RIF1: variants seen among roughly 807,000 people sequenced by gnomAD.
The protein encoded by RIF1 is telomere-associated protein RIF1.
In RIF1, 45 loss-of-function variants were observed where a neutral mutation model predicts 247.1. The observed-to-expected ratio is 0.18, with a 90% CI of 0.14 to 0.23. The LOEUF (loss-of-function observed/expected upper bound fraction) is 0.23, where lower values mean the gene tolerates loss of function less well. Among genes scored for constraint, RIF1 ranks in the 10% least tolerant of loss-of-function variants. The pLI, the probability that RIF1 is intolerant of heterozygous loss-of-function variation, is 1.00. For missense variants in RIF1, 2,967 were observed against 2,862.5 expected, an observed-to-expected ratio of 1.04 and a Z score of -0.83; for synonymous variants, 1,087 against 978.8, an observed-to-expected ratio of 1.11 and a Z score of -2.06.
intron 12 of RIF1, chr2:151,503,486 A>T (rs2066320836): frequency 1.5e-6 from 2 of 1,333,918 alleles, no homozygotes; most frequent in Non-Finnish European, 2.2e-6. Context: ...AATGACCGTA[A>T]ATCCTTTAGA....
the RIF1 span, among the ~76,000 whole-genome samples, chr2:151,521,122 A>C: frequency 4.6e-5 from 7 of 152,104 alleles, no homozygotes; most frequent in African/African-American, 1.7e-4. Context: ...AAGACTCACT[A>C]ACACCAGTAC....
chr2:151,444,004 CAG>C (rs1035972958), intron 18 of RIF1, among the ~76,000 whole-genome samples: 6 of 152,166 alleles, frequency 3.9e-5, no homozygotes, highest in Non-Finnish European at 8.8e-5. Context: ...GTTTTATTAA[CAG>C]GGAATAACAG....
intron 24 of RIF1, among the ~76,000 whole-genome samples, chr2:151,458,275 C>T (rs1695552409): frequency 1.4e-5 from 2 of 148,042 alleles, no homozygotes; most frequent in South Asian, 4.3e-4. Context: ...CTCTGTCGCC[C>T]AGGCTGGAGT....
At chr2:151,455,566 T>C (rs574000028) in intron 22 of RIF1, among the ~76,000 whole-genome samples, 10 of 152,254 alleles carry the variant, frequency 6.6e-5, no homozygotes, top group African/African-American at 2.4e-4. Flanking sequence ...ATCGAAACTA[T>C]TTAGAAAAAT....
chr2:151,530,678 A>C, the RIF1 span: 1 of 230,822 alleles, frequency 4.3e-6, no homozygotes, highest in Non-Finnish European at 8.4e-6. Flanking sequence ...GGCCACATGA[A>C]GGGGTTCCTG....
At chr2:151,494,533 T>C (rs2058792886) in intron 9 of RIF1, among the ~76,000 whole-genome samples, 1 of 152,146 alleles carries the variant, frequency 6.6e-6, no homozygotes, top group African/African-American at 2.4e-5. Flanking sequence ...CGCTAGTCTC[T>C]CAATGTCAAG....
Position 151,463,113 on chromosome 2 carries a change from G to T in RIF1, c.3593G>T (p.Ser1198Ile), listed in dbSNP as rs1233518802. 1 of 1,613,946 alleles carries T rather than the reference G, an allele frequency of 6.2e-7. No homozygotes were observed. ...AGTACAGAAAATTCTTTCGTTGTCA[G>T]CAGTAGTTCAGTTTCTAATACCACT... Reference protein sequence around the residue: ...ASSTENSFVVSSSSVSNTTVA... With the variant: ...ASSTENSFVVISSSVSNTTVA... Residue 1198 changes from serine to isoleucine, a missense_variant, in exon 30 of 36, where the codon AGC (serine) becomes ATC (isoleucine). This residue lies in a region of RIF1 where 2,028 missense variants were observed against 1,825.6 expected (regional missense o/e 1.11). Coordinates refer to ENST00000444746, the MANE Select transcript of RIF1 (RefSeq NM_018151.5).
intron 9 of RIF1, chr2:151,492,413 T>G (rs761918216): frequency 1.9e-6 from 3 of 1,609,134 alleles, no homozygotes; most frequent in Non-Finnish European, 2.5e-6. Context: ...TGGGTCTCCC[T>G]CACCCGTCTC....
At position 151,493,521 on chromosome 2, in the gene RIF1, A is replaced by G. The variant is rs185489270; in HGVS notation, c.*416-1708A>G. The G allele has an allele frequency of 4.3e-4, 416 of 958,474 alleles. 3 individuals carry two copies. In the African/African-American group the frequency reaches 5.9e-3, roughly 14 times the overall value. 59.4% of individuals were successfully genotyped at this position (958,474 alleles called of 1,614,324 possible). On this transcript the variant is annotated intron_variant and NMD_transcript_variant, in intron 9 of 13. Transcript: ENST00000454583. ...TGAAAATCATCACTTAGCTGGTGTT[A>G]TGGCTCATGTTATGGCTCAGTTATA...
intron 10 of RIF1, among the ~76,000 whole-genome samples, chr2:151,499,115 A>G (rs114105852): frequency 4.3e-4 from 65 of 152,272 alleles, no homozygotes; most frequent in African/African-American, 1.6e-3. Context: ...ATTAAGTTAA[A>G]TGATTATATT....
intron 15 of RIF1, among the ~76,000 whole-genome samples, chr2:151,440,722 A>G (rs954574141): frequency 3.3e-5 from 5 of 152,226 alleles, no homozygotes; most frequent in African/African-American, 1.2e-4. Context: ...TCTGGAGCAT[A>G]CTAGGTTGAA....
chr2:151,485,056 TCTCC>T (rs367794943), downstream of RIF1, among the ~76,000 whole-genome samples: 587 of 152,282 alleles, frequency 3.9e-3, 6 homozygotes, highest in Non-Finnish European at 5.7e-3. Context: ...GGTTGCTTCT[TCTCC>T]CTTTGCCTTT....
At chr2:151,526,325 C>T in the RIF1 span, 2 of 1,106,398 alleles carry the variant, frequency 1.8e-6, no homozygotes, top group Admixed American at 2.0e-5. Context: ...ATTTTTATTA[C>T]ACCCTCAAAC....
chr2:151,508,002 T>A, exon 14 of RIF1: 1 of 1,599,096 alleles, frequency 6.3e-7, no homozygotes, highest in Non-Finnish European at 8.5e-7. Flanking sequence ...AATAAAAACT[T>A]ACAAGGCTGA....
chr2:151,531,895 A>C, the RIF1 span: 14 of 1,540,868 alleles, frequency 9.1e-6, no homozygotes, highest in Non-Finnish European at 1.1e-5. Flanking sequence ...CCTGTATTTG[A>C]TCTAAATTGT....
intron 34 of RIF1, among the ~76,000 whole-genome samples, chr2:151,473,394 C>T (rs961564298): frequency 6.7e-6 from 1 of 149,298 alleles, no homozygotes; most frequent in Admixed American, 6.8e-5. Context: ...CTCCTGGACT[C>T]AAGCAGTTCT....
At chr2:151,502,103 G>C (rs1427858580) in intron 11 of RIF1, among the ~76,000 whole-genome samples, 1 of 152,182 alleles carries the variant, frequency 6.6e-6, no homozygotes, top group Non-Finnish European at 1.5e-5. Context: ...AGTATTGTAA[G>C]TGAAGTAACT....
intron 20 of RIF1, among the ~76,000 whole-genome samples, chr2:151,447,229 C>T: frequency 6.6e-6 from 1 of 152,244 alleles, no homozygotes; most frequent in East Asian, 1.9e-4. Context: ...AGGCGTGAGC[C>T]ACCGCGCCCG....
In RIF1 at chr2:151,464,761, T is replaced by G. The variant is rs766227099; in HGVS notation, c.5241T>G (p.Ile1747Met). ...CACAACCTCAGGAAAAGTCACTCAT[T>G]GGGTTAAAGAATACAGAAAATAATG... ...EKSQPQEKSL[I>M]GLKNTENNDV... Residue 1747 changes from isoleucine to methionine, a missense_variant, in exon 30 of 36, where the codon ATT becomes ATG. Around this residue, in one of 7 missense-constraint regions of RIF1, gnomAD observed 2,028 missense variants for 1,825.6 expected, o/e 1.11. Coordinates refer to ENST00000444746, the MANE Select transcript of RIF1 (RefSeq NM_018151.5). 9.3e-6 allele frequency: 15 copies of G among 1,613,738 alleles called. No homozygotes were observed. Among genetic ancestry groups the G allele is most frequent in the Non-Finnish European group, 1.3e-5 (15 of 1,179,922 alleles).
Sources: gnomAD v4.1 joint callset for allele counts (sites outside exome capture counted in the v4.1 genomes callset) on GRCh38, gnomAD v4.1.1 for gene constraint, gnomAD v4.1.1 regional missense constraint, MANE v1.5 for transcripts, NCBI Gene and HGNC (gene_info 2026-07-23, HGNC 2026-07-21) for gene names.